CWC27: variants seen among roughly 807,000 people sequenced by gnomAD.
CWC27 encodes CWC27 spliceosome associated cyclophilin, also known as spliceosome-associated protein CWC27 homolog.
Under a neutral mutation model 63.6 loss-of-function variants are expected in CWC27, and 47 were observed. That is an observed-to-expected ratio of 0.74 (90% CI 0.58 to 0.94). The LOEUF (loss-of-function observed/expected upper bound fraction) is 0.94, where lower values mean the gene tolerates loss of function less well. CWC27 is among the 40% of genes least tolerant of loss of function. The pLI, the probability that CWC27 is intolerant of heterozygous loss-of-function variation, is 0.00. For synonymous variants in CWC27, 175 were observed against 179.8 expected (o/e 0.97, Z 0.22); for missense variants, 495 against 554.3 (o/e 0.89, Z 1.07).
At chr5:64,823,856 A>T (rs1020027072) in intron 10 of CWC27, among the ~76,000 whole-genome samples, 5 of 152,190 alleles carry the variant, frequency 3.3e-5, no homozygotes, top group African/African-American at 7.2e-5. Context: ...CTTTTAAGAT[A>T]ATATTTGCTA....
intron 10 of CWC27, among the ~76,000 whole-genome samples, chr5:64,846,724 T>A (rs1745989133): frequency 6.6e-6 from 1 of 152,120 alleles, no homozygotes; most frequent in Non-Finnish European, 1.5e-5. Context: ...CCGGGCACAG[T>A]GGCTCATGCT....
In CWC27 at chr5:64,886,419, A is replaced by G. The variant is rs1467242964; in HGVS notation, c.1042+873A>G. The stretch of plus-strand genomic sequence containing the variant: ...TTGATACATTTGATACTAAGTACAT[A>G]CATGTACACATTTGCTTGTACATAT... On this transcript the variant is annotated intron_variant, in intron 11 of 13. Transcript: ENST00000381070. Among the ~76,000 whole-genome samples the G allele has an allele frequency of 3.3e-5, 5 of 152,166 alleles. No individual in the cohort carries two copies. In the East Asian group the frequency reaches 9.6e-4, roughly 29 times the overall value.
chr5:64,778,849 A>G (rs533865675), intron 2 of CWC27, among the ~76,000 whole-genome samples: 107 of 152,342 alleles, frequency 7.0e-4, no homozygotes, highest in Middle Eastern at 3.4e-3. Flanking sequence ...ATGCAGCCCA[A>G]CTGCCCTGCA....
rs143534506 is a variant in CWC27, at chr5:64,809,355, A to C, written c.938+4969A>C. Among the ~76,000 whole-genome samples, 260 of 152,190 alleles carry C rather than the reference A, an allele frequency of 1.7e-3. 1 individual carries two copies. The highest frequency in any genetic ancestry group is 6.2e-3 in the African/African-American group (256 of 41,538). ...AGTACATTAACTGTGGTAAGCATGC[A>C]TTACAAAGCTTATTCTTTTTTTTTG... On this transcript the variant is annotated intron_variant, in intron 10 of 13. Coordinates refer to ENST00000381070, the MANE Select transcript of CWC27 (RefSeq NM_005869.4).
chr5:64,993,122 T>C (rs1749567789), intron 13 of CWC27, among the ~76,000 whole-genome samples: 1 of 152,076 alleles, frequency 6.6e-6, no homozygotes, highest in African/African-American at 2.4e-5. Context: ...ATTATTAGAA[T>C]TAAATGAGAT....
intron 12 of CWC27, among the ~76,000 whole-genome samples, chr5:64,975,585 G>A (rs1221273706): frequency 6.6e-6 from 1 of 151,972 alleles, no homozygotes; most frequent in Non-Finnish European, 1.5e-5. Flanking sequence ...GAGATGGTGT[G>A]ATTACAAAAT....
intron 7 of CWC27, among the ~76,000 whole-genome samples, chr5:64,793,819 C>G (rs554999351): frequency 6.6e-6 from 1 of 151,976 alleles, no homozygotes; most frequent in Non-Finnish European, 1.5e-5. Context: ...CCTTTCTGCC[C>G]GATCACAAGT....
intron 11 of CWC27, among the ~76,000 whole-genome samples, chr5:64,888,822 A>G (rs1438659280): frequency 6.6e-6 from 1 of 152,084 alleles, no homozygotes; most frequent in Non-Finnish European, 1.5e-5. Context: ...GAATATTTGT[A>G]TAGTGTCAAA....
At chr5:64,793,306 TC>T (rs1744143783) in intron 7 of CWC27, among the ~76,000 whole-genome samples, 1 of 152,080 alleles carries the variant, frequency 6.6e-6, no homozygotes, top group Non-Finnish European at 1.5e-5. Context: ...AAAGTTAAAA[TC>T]TACAGAATTT....
intron 10 of CWC27, among the ~76,000 whole-genome samples, chr5:64,833,726 A>G (rs554420888): frequency 2.6e-5 from 4 of 151,852 alleles, no homozygotes; most frequent in South Asian, 2.1e-4. Flanking sequence ...CTTTGTGCTG[A>G]AGCTAGTTAC....
intron 10 of CWC27, among the ~76,000 whole-genome samples, chr5:64,860,012 C>A (rs1292098537): frequency 2.0e-5 from 3 of 152,166 alleles, no homozygotes; most frequent in Non-Finnish European, 4.4e-5. Context: ...TCTAAACCTT[C>A]ACAACAACCC....
In CWC27 at chr5:64,971,553, G is replaced by A. The variant is rs1400981116; in HGVS notation, c.1043-150G>A. 9.6e-5 allele frequency: 50 copies of A among 521,762 alleles called. No individual in the cohort carries two copies. In the East Asian group the frequency reaches 1.6e-3, roughly 16 times the overall value. The allele number at this position is 521,762 out of a possible 1,614,324, so 32.3% of individuals were successfully genotyped here. On this transcript the variant is annotated intron_variant, in intron 11 of 13. Coordinates refer to ENST00000381070, the MANE Select transcript of CWC27 (RefSeq NM_005869.4). ...TAATTTAGGAAGTAGTTACAGAGCTGGTGGGGCTTACAGGTTTTCTTTTGA... is the reference window on the plus strand; with the variant it reads ...TAATTTAGGAAGTAGTTACAGAGCTAGTGGGGCTTACAGGTTTTCTTTTGA...
At chr5:64,920,269 G>T (rs541787308) in intron 11 of CWC27, among the ~76,000 whole-genome samples, 1 of 151,970 alleles carries the variant, frequency 6.6e-6, no homozygotes, top group Non-Finnish European at 1.5e-5. Context: ...ACACCCACCC[G>T]TCATTTATTG....
chr5:64,840,436 T>TAC, intron 10 of CWC27, among the ~76,000 whole-genome samples: 1 of 112,136 alleles, frequency 8.9e-6, no homozygotes, highest in African/African-American at 3.4e-5. Context: ...TATATACTTA[T>TAC]TAAGGACATT....
At position 64,821,086 on chromosome 5, in the gene CWC27, A is replaced by ATTTT. The variant is rs11388495; in HGVS notation, c.938+16716_938+16719dup. ...AATTCAACTATAAGAAAACAAAGCA[A>ATTTT]TTTTTTTTTTTTTTTTTTTGAGAGA... On this transcript the variant is annotated intron_variant, in intron 10 of 13. Transcript: ENST00000381070. Among the ~76,000 whole-genome samples the ATTTT allele has an allele frequency of 2.2e-4, 29 of 132,676 alleles. 2 individuals carry two copies. Among genetic ancestry groups the ATTTT allele is most frequent in the South Asian group, 1.2e-3 (5 of 4,204 alleles). 87.0% of individuals were successfully genotyped at this position (132,676 alleles called of 152,430 possible). A position where few individuals can be genotyped will look rare whatever the true frequency, so the allele number is the denominator to read the frequency against.
chr5:64,806,400 G>T (rs1354171774), intron 10 of CWC27, among the ~76,000 whole-genome samples: 1 of 152,066 alleles, frequency 6.6e-6, no homozygotes, highest in African/African-American at 2.4e-5. Context: ...GGACATTGTT[G>T]GATTCTTTTA....
chr5:64,793,638 G>A (rs562607938), intron 7 of CWC27, among the ~76,000 whole-genome samples: 26 of 152,220 alleles, frequency 1.7e-4, no homozygotes, highest in African/African-American at 6.3e-4. Flanking sequence ...TGAAATGACT[G>A]GAGCCAAAGC....
chr5:64,891,390 G>T (rs180879589), intron 11 of CWC27, among the ~76,000 whole-genome samples: 1 of 152,206 alleles, frequency 6.6e-6, no homozygotes, highest in East Asian at 1.9e-4. Flanking sequence ...CTACCTTTAA[G>T]TGCTAGAAAC....
intron 11 of CWC27, among the ~76,000 whole-genome samples, chr5:64,939,434 T>G (rs1189677706): frequency 6.6e-6 from 1 of 152,236 alleles, no homozygotes; most frequent in Non-Finnish European, 1.5e-5. Context: ...TGCCTAGTTA[T>G]TACCAGTGGA....
Sources: allele counts gnomAD v4.1 joint callset (sites outside exome capture counted in the v4.1 genomes callset), GRCh38; gene constraint gnomAD v4.1.1; transcripts MANE v1.5; gene names NCBI Gene and HGNC (gene_info 2026-07-23, HGNC 2026-07-21).